Variants in IDUA observed in about 807,000 individuals in gnomAD.
The protein encoded by IDUA is alpha-L-iduronidase, also known as iduronidase alpha-L-.
IDUA carries 65 observed loss-of-function variants against 68.9 expected under a neutral mutation model. The ratio of observed to expected loss-of-function variants is 0.94; its 90% CI spans 0.77 to 1.16. The LOEUF (loss-of-function observed/expected upper bound fraction) is 1.16, where lower values mean the gene tolerates loss of function less well. Among genes scored for constraint, IDUA ranks in the 50% most tolerant of loss-of-function variants. The pLI is 0.00. For missense variants in IDUA, 1,046 were observed against 938.0 expected (o/e 1.12, Z -1.50); for synonymous variants, 529 against 433.6 (o/e 1.22, Z -2.73).
In IDUA at chr4:1,003,553, C is replaced by A; in HGVS notation, c.1655C>A (p.Thr552Lys). 2 of 1,611,840 alleles carry A rather than the reference C, an allele frequency of 1.2e-6. No individual in the cohort carries two copies. The highest frequency in any genetic ancestry group is 1.7e-6 in the Non-Finnish European group (2 of 1,179,764). Residue 552 changes from threonine to lysine, a missense_variant, in exon 12 of 14, where the codon ACG becomes AAG. Transcript: ENST00000514224. ...ARPEKPPGQV[T>K]RLRALPLTQG... ...CACAGCCCTTCCCTCCCCCAGGTCA[C>A]GCGGCTCCGCGCCCTGCCCCTGACC...
rs778948120 is a variant in IDUA at position 988,847 on chromosome 4, C to T, written c.299+898C>T. 27 of 1,599,744 alleles carry T rather than the reference C, an allele frequency of 1.7e-5. No individual in the cohort carries two copies. The highest frequency in any genetic ancestry group is 1.7e-4 in the Middle Eastern group (1 of 5,790). Reference sequence around the variant, plus strand: ...GCCTGGCCCTGCTACAGATGGGCATCGGTGGCCTCCAGCTCCCTGTGGCGG... The same window carrying T: ...GCCTGGCCCTGCTACAGATGGGCATTGGTGGCCTCCAGCTCCCTGTGGCGG... On this transcript the variant is annotated intron_variant, in intron 2 of 13. Transcript: ENST00000514224.
rs751256890 is a variant in IDUA at position 1,001,867 on chromosome 4, T to G, written c.778T>G (p.Ser260Ala). The G allele has an allele frequency of 6.3e-7, 1 of 1,589,260 alleles. No homozygotes were observed. The highest frequency in any genetic ancestry group is 1.1e-5 in the South Asian group (1 of 88,034). Residue 260 changes from serine (S) to alanine (A), a missense_variant, in exon 6 of 14, where the codon TCC becomes GCC. Physicochemically the swap from Ser to Ala is moderately conservative, Grantham distance 99. Coordinates refer to ENST00000514224, the MANE Select transcript of IDUA (RefSeq NM_000203.5). Reference protein sequence around the residue: ...GEAGVRLDYISLHRKGARSSI... With the variant: ...GEAGVRLDYIALHRKGARSSI... ...GGCGGGCGTGCGGCTGGACTACATC[T>G]CCCTCCACAGGAAGGTGCGCCCTGC...
chr4:1,001,544 C>T lies in IDUA; in HGVS notation c.570C>T (p.Asn190=), dbSNP rs1177874993. The T allele has an allele frequency of 2.5e-6, 4 of 1,613,074 alleles. No homozygotes were observed. The highest frequency in any genetic ancestry group is 1.1e-5 in the South Asian group (1 of 91,080). Residue 190 remains asparagine (N), a synonymous_variant, in exon 5 of 14, where the codon AAC becomes AAT. Transcript: ENST00000514224. ...WNEPDHHDFD[N]VSMTMQGFLN... is the part of the protein sequence containing the mutation. ...AGCCAGACCACCACGACTTTGACAA[C>T]GTCTCCATGACCATGCAAGGTGTGC... is the stretch of plus-strand genomic sequence containing the variant.
chr4:1,001,886 G>T lies in IDUA; in HGVS notation c.792+5G>T. ...TACATCTCCCTCCACAGGAAGGTGCGCCCTGCCCCTCCGTCCGCCCCGGTG... is the reference window on the plus strand; with the variant it reads ...TACATCTCCCTCCACAGGAAGGTGCTCCCTGCCCCTCCGTCCGCCCCGGTG... On this transcript the variant is annotated splice_donor_5th_base_variant and intron_variant, in intron 6 of 13. Coordinates refer to ENST00000514224, the MANE Select transcript of IDUA (RefSeq NM_000203.5). 6.3e-7 allele frequency: 1 copy of T among 1,577,344 alleles called. No individual in the cohort carries two copies.
At chr4:988,296 C>T in intron 2 of IDUA, 2 of 1,136,484 alleles carry the variant, frequency 1.8e-6, no homozygotes, top group East Asian at 5.6e-5. Context: ...TCGGTCACAG[C>T]ACCCTGGGCC....
At chr4:987,514 G>T in intron 1 of IDUA, 1 of 889,308 alleles carries the variant, frequency 1.1e-6, no homozygotes, top group Non-Finnish European at 1.6e-6. Context: ...GGACGGCCCT[G>T]CAGCGGGACC....
chr4:996,851 C>T (rs1461714989), intron 2 of IDUA, among the ~76,000 whole-genome samples: 1 of 152,128 alleles, frequency 6.6e-6, no homozygotes, highest in African/African-American at 2.4e-5. Flanking sequence ...GCCCATTCTA[C>T]CCCGAGCCTG....
intron 2 of IDUA, chr4:989,226 G>T (rs36069160): frequency 6.2e-7 from 1 of 1,611,030 alleles, no homozygotes. Flanking sequence ...CCTTCCTCCT[G>T]GCAGCCATGC....
rs150523349 is a variant in IDUA at position 1,002,713 on chromosome 4, GCC to G, written c.1190-11_1190-10del. ...TGGGCAACGACCCCACGCGGCGACG[GCC>G]CCCCCCCGCCCCGCAGATGAGGAGC... On this transcript the variant is annotated splice_polypyrimidine_tract_variant and intron_variant, in intron 8 of 13. Transcript: ENST00000514224. The G allele has an allele frequency of 4.4e-6, 6 of 1,364,274 alleles. No homozygotes were observed. The highest frequency in any genetic ancestry group is 1.5e-5 in the African/African-American group (1 of 64,742). 84.5% of individuals were successfully genotyped at this position (1,364,274 alleles called of 1,614,324 possible).
chr4:990,981 C>A (rs116514520), intron 2 of IDUA: 9 of 818,204 alleles, frequency 1.1e-5, no homozygotes, highest in South Asian at 9.1e-5. Flanking sequence ...TGCCCCGGCA[C>A]GCCCCAGCTC....
At chr4:990,896 G>C in intron 2 of IDUA, 1 of 526,774 alleles carries the variant, frequency 1.9e-6, no homozygotes, top group South Asian at 3.0e-5. Flanking sequence ...CAAGGCCATG[G>C]CCCACCGGAC....
chr4:988,249 T>A, intron 2 of IDUA: 2 of 1,255,798 alleles, frequency 1.6e-6, no homozygotes, highest in Non-Finnish European at 2.0e-6. Context: ...CCAGGCTGGG[T>A]AGGGCCACTG....
chr4:999,323 C>T (rs1714941946), intron 2 of IDUA, among the ~76,000 whole-genome samples: 1 of 152,194 alleles, frequency 6.6e-6, no homozygotes, highest in Non-Finnish European at 1.5e-5. Context: ...CTTCCAGAGC[C>T]CCATGGAGCC....
At chr4:989,536 G>T in intron 2 of IDUA, 1 of 1,562,338 alleles carries the variant, frequency 6.4e-7, no homozygotes, top group East Asian at 2.4e-5. Context: ...CGCGTCAGCC[G>T]GGCTCATCCG....
chr4:989,269 G>A lies in IDUA; in HGVS notation c.299+1320G>A, dbSNP rs769256336. 4 of 1,612,712 alleles carry A rather than the reference G, an allele frequency of 2.5e-6. No homozygotes were observed. The Admixed American group carries it at 6.7e-5, about 27-fold the overall frequency. ...GTCCAGCCCCGTGAGGCTGTAGAGT[G>A]ACTGCAGGAAGAAGTCCTTGTTGGC... On this transcript the variant is annotated intron_variant, in intron 2 of 13. Coordinates refer to ENST00000514224, the MANE Select transcript of IDUA (RefSeq NM_000203.5).
intron 2 of IDUA, among the ~76,000 whole-genome samples, chr4:994,781 G>A (rs1714641750): frequency 6.6e-6 from 1 of 151,948 alleles, no homozygotes; most frequent in South Asian, 2.1e-4. Flanking sequence ...TAAAAAATTA[G>A]CTGGGTGTGG....
At chr4:1,002,547 G>C in intron 8 of IDUA, 62 bp downstream of exon 8, 1 of 1,376,400 alleles carries the variant, frequency 7.3e-7, no homozygotes, top group Non-Finnish European at 9.4e-7. Flanking sequence ...CGGCTCCTGC[G>C]AAGGCCCCGC....
chr4:989,824 C>A lies in IDUA; in HGVS notation c.299+1875C>A, dbSNP rs73219719. On this transcript the variant is annotated intron_variant, in intron 2 of 13. Coordinates refer to ENST00000514224, the MANE Select transcript of IDUA (RefSeq NM_000203.5). ...CACAGCCAGCAGCTCCTGGTTGGCA[C>A]GCACAGAGTAGCCGTGACTGCGGGC... is the stretch of plus-strand genomic sequence containing the variant. 69 of 1,580,256 alleles carry A rather than the reference C, an allele frequency of 4.4e-5. No individual in the cohort carries two copies. Among genetic ancestry groups the A allele is most frequent in the Non-Finnish European group, 5.6e-5 (65 of 1,164,114 alleles).
intron 2 of IDUA, chr4:989,674 A>C: frequency 6.4e-7 from 1 of 1,572,158 alleles, no homozygotes; most frequent in Non-Finnish European, 8.6e-7. Flanking sequence ...CAGCAGCACC[A>C]CGGTGGCGCT....
Sources: allele counts gnomAD v4.1 joint callset (sites outside exome capture counted in the v4.1 genomes callset), GRCh38; gene constraint gnomAD v4.1.1; transcripts MANE v1.5; gene names NCBI Gene and HGNC (gene_info 2026-07-23, HGNC 2026-07-21).